The following TBC1D16 variants were observed in gnomAD, a reference collection of about 807,000 sequenced individuals.
TBC1D16 encodes TBC1 domain family member 16.
TBC1D16 carries 58 observed loss-of-function variants against 74.7 expected under a neutral mutation model. The observed-to-expected ratio is 0.78, with a 90% confidence interval of 0.63 to 0.97. TBC1D16 has a LOEUF of 0.97. TBC1D16 is among the 50% of genes least tolerant of loss of function. The pLI is 0.00. For missense variants in TBC1D16, 1,014 were observed against 1,079.5 expected, an observed-to-expected ratio of 0.94 and a Z score of 0.85; for synonymous variants, 493 against 474.7, an observed-to-expected ratio of 1.04 and a Z score of -0.50.
Position 79,950,625 on chromosome 17 carries a change from G to A in TBC1D16, c.1090-47C>T, listed in dbSNP as rs746802583. The A allele has an allele frequency of 6.3e-7, 1 of 1,592,484 alleles. No individual in the cohort carries two copies. Among genetic ancestry groups the A allele is most frequent in the Non-Finnish European group, 8.5e-7 (1 of 1,169,798 alleles). On this transcript the variant is annotated intron_variant, in intron 5 of 11. Coordinates refer to ENST00000310924, the MANE Select transcript of TBC1D16 (RefSeq NM_019020.4). This position sits in a 1 kb window ranked among gnomAD's most constrained non-coding sequence, Gnocchi z 4.6. ...CAAAGGTCAGGATCTCAGCCGCGCG[G>A]CTTCAGAGGCCAGCAGTGCTTTTCC...
In TBC1D16 at chr17:79,932,902, CCT is replaced by C. The variant is rs2031343778; in HGVS notation, c.*7955_*7956del. ...TCTAATGACTCAAAACATAAAATCCCCTCTTTTGTCTCATGTTGAAGAGCTGA... is the reference window on the plus strand; with the variant it reads ...TCTAATGACTCAAAACATAAAATCCCCTTTTGTCTCATGTTGAAGAGCTGA... On this transcript the variant is annotated 3_prime_UTR_variant, in exon 12 of 12. Transcript: ENST00000310924. 1 of 152,172 alleles carries C rather than the reference CCT, an allele frequency of 6.6e-6. No individual in the cohort carries two copies. The highest frequency in any genetic ancestry group is 2.4e-5 in the African/African-American group (1 of 41,436). The allele number at this position is 152,172 out of a possible 1,614,324, so 9.4% of individuals were successfully genotyped here.
In TBC1D16 at chr17:79,960,797, A is replaced by AC. The variant is rs1568590779; in HGVS notation, c.780-7980_780-7979insG. Among the ~76,000 whole-genome samples the AC allele has an allele frequency of 2.0e-5, 3 of 148,570 alleles. No individual in the cohort carries two copies. The East Asian group carries it at 5.8e-4, about 29-fold the overall frequency. ...AAAAACCCAAAAAAAAAAAAAAAAA[A>AC]AAAAAAAAAAAACGAAGGAATGAAA... On this transcript the variant is annotated intron_variant, in intron 3 of 11. Transcript: ENST00000310924.
At chr17:80,025,591 G>T (rs1301393940) in intron 1 of TBC1D16, among the ~76,000 whole-genome samples, 1 of 148,832 alleles carries the variant, frequency 6.7e-6, no homozygotes, top group Non-Finnish European at 1.5e-5. Context: ...CGCCTGCTGG[G>T]AGCACCTCCT....
rs1329713793 is a variant in TBC1D16, at chr17:80,001,193, C to T, written c.779+8967G>A. On this transcript the variant is annotated intron_variant, in intron 3 of 11. Coordinates refer to ENST00000310924, the MANE Select transcript of TBC1D16 (RefSeq NM_019020.4). The surrounding 1 kb of genome is among the most constrained non-coding windows in gnomAD (Gnocchi z 5.8). Reference sequence around the variant, plus strand: ...CAGCTGCCCTTCCCGTAACAGCTTCCCTCAGACCCCTGGCATCGGCCACTC... The same window carrying T: ...CAGCTGCCCTTCCCGTAACAGCTTCTCTCAGACCCCTGGCATCGGCCACTC... Among the ~76,000 whole-genome samples, 5 of 152,254 alleles carry T rather than the reference C, an allele frequency of 3.3e-5. No homozygotes were observed. The highest frequency in any genetic ancestry group is 4.1e-4 in the South Asian group (2 of 4,838).
intron 3 of TBC1D16, among the ~76,000 whole-genome samples, chr17:79,991,678 C>A (rs1158383961): frequency 2.0e-5 from 3 of 149,040 alleles, no homozygotes; most frequent in Admixed American, 2.0e-4. Context: ...GGCAGTGCTG[C>A]CCTCCAGCCA....
intron 3 of TBC1D16, 37 bp from the exon 4 acceptor site, chr17:79,952,855 T>C: frequency 1.3e-6 from 2 of 1,575,792 alleles, no homozygotes; most frequent in South Asian, 1.1e-5. Flanking sequence ...GCCACACTTC[T>C]CCCTGCCCAC....
intron 1 of TBC1D16, among the ~76,000 whole-genome samples, chr17:80,022,107 GGTC>G (rs1264396203): frequency 2.0e-5 from 3 of 149,394 alleles, no homozygotes; most frequent in African/African-American, 7.7e-5. Flanking sequence ...GTTAAACATT[GGTC>G]TATATTTTCT....
Position 80,000,548 on chromosome 17 carries a change from G to C in TBC1D16, c.779+9612C>G, listed in dbSNP as rs1166257858. 6.6e-6 allele frequency among the ~76,000 whole-genome samples: 1 copy of C among 152,192 alleles called. No individual in the cohort carries two copies. The highest frequency in any genetic ancestry group is 2.1e-4 in the South Asian group (1 of 4,826). On this transcript the variant is annotated intron_variant, in intron 3 of 11. Coordinates refer to ENST00000310924, the MANE Select transcript of TBC1D16 (RefSeq NM_019020.4). The surrounding 1 kb of genome is among the most constrained non-coding windows in gnomAD (Gnocchi z 4.1). ...CTTGATTTTGGACCTCTGGCTCCAG[G>C]ACTGTGAGAGAATACATTTCTCTTG...
rs1207046060 is a variant in TBC1D16, at chr17:79,961,756, G to A, written c.780-8938C>T. Among the ~76,000 whole-genome samples, 5 of 152,106 alleles carry A rather than the reference G, an allele frequency of 3.3e-5. No individual in the cohort carries two copies. The highest frequency in any genetic ancestry group is 1.9e-4 in the East Asian group (1 of 5,190). Reference sequence around the variant, plus strand: ...CGGGCGCCTATAATCCCAGCTACTCGGGAGGCTCAGGCAGGAGACTTGCTT... The same window carrying A: ...CGGGCGCCTATAATCCCAGCTACTCAGGAGGCTCAGGCAGGAGACTTGCTT... On this transcript the variant is annotated intron_variant, in intron 3 of 11. Coordinates refer to ENST00000310924, the MANE Select transcript of TBC1D16 (RefSeq NM_019020.4). This position sits in a 1 kb window ranked among gnomAD's most constrained non-coding sequence, Gnocchi z 4.8.
rs770616740 is a variant in TBC1D16 at position 80,010,387 on chromosome 17, G to A, written c.552C>T (p.Ser184=). The part of the protein sequence containing the change: ...QPASQPACSP[S]GILSTVSPQD... ...GCGGACTGACCGTCGACAAGATCCCGGAGGGGCTGCAAGCAGGCTGCGAGG... is the reference window on the plus strand; with the variant it reads ...GCGGACTGACCGTCGACAAGATCCCAGAGGGGCTGCAAGCAGGCTGCGAGG... The change falls in exon 3 of 12, where the codon TCC becomes TCT. Residue 184 remains serine (S), a synonymous_variant. Coordinates refer to ENST00000310924, the MANE Select transcript of TBC1D16 (RefSeq NM_019020.4). The surrounding 1 kb of genome is among the most constrained non-coding windows in gnomAD (Gnocchi z 8.8). The A allele has an allele frequency of 1.2e-5, 19 of 1,611,844 alleles. No homozygotes were observed. Among genetic ancestry groups the A allele is most frequent in the East Asian group, 4.5e-5 (2 of 44,816 alleles).
In TBC1D16 at chr17:79,971,335, A is replaced by G. The variant is rs1375531820; in HGVS notation, c.780-18517T>C. On this transcript the variant is annotated intron_variant, in intron 3 of 11. Transcript: ENST00000310924. This position sits in a 1 kb window ranked among gnomAD's most constrained non-coding sequence, Gnocchi z 4.6. Reference sequence around the variant, plus strand: ...ACCGCACCCGGCCCACACTCCCAGTATTTTTTAAGTTGCTTAACATTTGCA... The same window carrying G: ...ACCGCACCCGGCCCACACTCCCAGTGTTTTTTAAGTTGCTTAACATTTGCA... Among the ~76,000 whole-genome samples, 1 of 152,166 alleles carries G rather than the reference A, an allele frequency of 6.6e-6. No individual in the cohort carries two copies. Among genetic ancestry groups the G allele is most frequent in the African/African-American group, 2.4e-5 (1 of 41,446 alleles).
chr17:79,978,683 T>C (rs187461634), intron 3 of TBC1D16, among the ~76,000 whole-genome samples: 18 of 152,342 alleles, frequency 1.2e-4, no homozygotes, highest in Admixed American at 1.0e-3. Flanking sequence ...CGACTTAGAC[T>C]CAGGACGTGC....
At position 80,000,616 on chromosome 17, in the gene TBC1D16, G is replaced by A. The variant is rs771393342; in HGVS notation, c.779+9544C>T. ...GTGGTCCTTTGTCACAGCAGCCCCA[G>A]GACACTGATACGAGCACGTCCAACG... On this transcript the variant is annotated intron_variant, in intron 3 of 11. Transcript: ENST00000310924. The surrounding 1 kb of genome is among the most constrained non-coding windows in gnomAD (Gnocchi z 4.1). Among the ~76,000 whole-genome samples the A allele has an allele frequency of 6.6e-6, 1 of 152,188 alleles. No homozygotes were observed. Among genetic ancestry groups the A allele is most frequent in the Non-Finnish European group, 1.5e-5 (1 of 68,038 alleles).
Position 79,986,562 on chromosome 17 carries a change from C to T in TBC1D16, c.779+23598G>A, listed in dbSNP as rs955929123. 6.6e-6 allele frequency among the ~76,000 whole-genome samples: 1 copy of T among 152,178 alleles called. No individual in the cohort carries two copies. Among genetic ancestry groups the T allele is most frequent in the Non-Finnish European group, 1.5e-5 (1 of 68,032 alleles). ...AAGGCCAAAGAGAGACCACACGTGC[C>T]GCCCCCTGCCGAAGCCTGGCCTTTG... On this transcript the variant is annotated intron_variant, in intron 3 of 11. Transcript: ENST00000310924. The surrounding 1 kb of genome is among the most constrained non-coding windows in gnomAD (Gnocchi z 6.0).
Position 80,035,700 on chromosome 17 carries a change from GC to G in TBC1D16, c.-63+94del, listed in dbSNP as rs2036975622. 6.8e-6 allele frequency: 1 copy of G among 147,672 alleles called. No homozygotes were observed. The highest frequency in any genetic ancestry group is 2.0e-4 in the East Asian group (1 of 5,094). The allele number at this position is 147,672 out of a possible 1,614,324, so 9.1% of individuals were successfully genotyped here. On this transcript the variant is annotated intron_variant, in intron 1 of 11. Coordinates refer to ENST00000310924, the MANE Select transcript of TBC1D16 (RefSeq NM_019020.4). This position sits in a 1 kb window ranked among gnomAD's most constrained non-coding sequence, Gnocchi z 5.3. Reference sequence around the variant, plus strand: ...CCCACGCGCCCCACGCGCCCCGCGCGCCCCCGCCCCAGCTCCGCCGAGGGGG... The same window carrying G: ...CCCACGCGCCCCACGCGCCCCGCGCGCCCCGCCCCAGCTCCGCCGAGGGGG...
chr17:79,984,815 AGACCACACT>A (rs1334089294), intron 3 of TBC1D16, among the ~76,000 whole-genome samples: 2 of 152,050 alleles, frequency 1.3e-5, no homozygotes, highest in African/African-American at 4.8e-5. Context: ...GCAGGTGAAA[AGACCACACT>A]GAAGTCAGAC....
rs907931266 is a variant in TBC1D16, at chr17:79,983,557, C to G, written c.779+26603G>C. Among the ~76,000 whole-genome samples, 2 of 152,226 alleles carry G rather than the reference C, an allele frequency of 1.3e-5. No individual in the cohort carries two copies. Among genetic ancestry groups the G allele is most frequent in the Non-Finnish European group, 2.9e-5 (2 of 68,042 alleles). ...CAGGCACGGGGAGCTGAGCCACCGACGGCTACAAAGACGGGGACGCTTTCC... is the reference window on the plus strand; with the variant it reads ...CAGGCACGGGGAGCTGAGCCACCGAGGGCTACAAAGACGGGGACGCTTTCC... On this transcript the variant is annotated intron_variant, in intron 3 of 11. Transcript: ENST00000310924. This position sits in a 1 kb window ranked among gnomAD's most constrained non-coding sequence, Gnocchi z 5.6.
At position 79,951,522 on chromosome 17, in the gene TBC1D16, G is replaced by C. The variant is rs780901980; in HGVS notation, c.1017C>G (p.His339Gln). ...ESQYKVFHFH[H>Q]GGLDKLSDVF... ...CGTCAGACAGCTTGTCCAGGCCGCC[G>C]TGGTGGAAGTGGAAAACCTTGTACT... The change falls in exon 5 of 12, where the codon CAC (histidine) becomes CAG (glutamine). Residue 339 changes from histidine (H) to glutamine (Q), a missense_variant. Transcript: ENST00000310924. 1.1e-5 allele frequency: 17 copies of C among 1,614,002 alleles called. No homozygotes were observed. Among genetic ancestry groups the C allele is most frequent in the East Asian group, 2.2e-5 (1 of 44,898 alleles).
At chr17:79,966,342 T>C (rs2033842239) in intron 3 of TBC1D16, among the ~76,000 whole-genome samples, 1 of 152,170 alleles carries the variant, frequency 6.6e-6, no homozygotes, top group Non-Finnish European at 1.5e-5. Context: ...AGGTTCCAGG[T>C]GGACATGAAT....
Sources: allele counts gnomAD v4.1 joint callset (sites outside exome capture counted in the v4.1 genomes callset), GRCh38; gene constraint gnomAD v4.1.1; non-coding constraint Gnocchi (gnomAD v3.1); transcripts MANE v1.5; gene names NCBI Gene and HGNC (gene_info 2026-07-23, HGNC 2026-07-21).